Variants in CHODL observed in about 807,000 individuals in gnomAD.
The protein encoded by CHODL is transmembrane protein MT75.
Under a neutral mutation model 34.5 loss-of-function variants are expected in CHODL, and 29 were observed. The observed-to-expected ratio is 0.84, with a 90% CI of 0.63 to 1.15. CHODL has a LOEUF of 1.15. Ranked by LOEUF, CHODL falls within the 50% of genes most tolerant of loss-of-function variation. The pLI is 0.00. For missense variants in CHODL, 332 were observed against 332.5 expected (o/e 1.00, Z 0.01); for synonymous variants, 125 against 116.1 (o/e 1.08, Z -0.49).
chr21:18,099,493 A>T (rs1028199659), intron 2 of CHODL, among the ~76,000 whole-genome samples: 3 of 151,816 alleles, frequency 2.0e-5, no homozygotes, highest in African/African-American at 7.2e-5. Flanking sequence ...AATATGATTT[A>T]AAAAATAAAA....
chr21:18,116,467 A>C (rs1160802738), intron 2 of CHODL, among the ~76,000 whole-genome samples: 1 of 152,192 alleles, frequency 6.6e-6, no homozygotes, highest in African/African-American at 2.4e-5. Flanking sequence ...GTCTGTTTGC[A>C]TTGCTATTAT....
chr21:18,028,017 C>G (rs2064194806), intron 2 of CHODL: 1 of 152,372 alleles, frequency 6.6e-6, no homozygotes, highest in African/African-American at 2.4e-5. Context: ...TCATGACATA[C>G]TGTTATAGGA....
chr21:18,040,810 TA>T (rs148245877), intron 2 of CHODL, among the ~76,000 whole-genome samples: 9 of 151,764 alleles, frequency 5.9e-5, no homozygotes, highest in African/African-American at 2.2e-4. Flanking sequence ...TCGCAGGTGG[TA>T]AAAAAATCAG....
chr21:18,090,845 A>G (rs2065064624), intron 2 of CHODL, among the ~76,000 whole-genome samples: 1 of 152,132 alleles, frequency 6.6e-6, no homozygotes, highest in South Asian at 2.1e-4. Context: ...ACCAAATTTT[A>G]ACAACTATCT....
chr21:18,220,360 C>T (rs2073870863), intron 2 of CHODL, among the ~76,000 whole-genome samples: 1 of 152,072 alleles, frequency 6.6e-6, no homozygotes, highest in African/African-American at 2.4e-5. Context: ...TTACTCTTGT[C>T]ATTTAAAAAT....
Position 18,258,979 on chromosome 21 carries a change from A to G in CHODL, c.548-1221A>G, listed in dbSNP as rs540230091. Reference sequence around the variant, plus strand: ...TTCTCTAGAAGAGTAGGTATAGTCTAGGACTGAATCTGAAACCCAGAGGAG... The same window carrying G: ...TTCTCTAGAAGAGTAGGTATAGTCTGGGACTGAATCTGAAACCCAGAGGAG... On this transcript the variant is annotated intron_variant, in intron 3 of 5. Transcript: ENST00000299295. Among the ~76,000 whole-genome samples, 14 of 152,288 alleles carry G rather than the reference A, an allele frequency of 9.2e-5. No homozygotes were observed. In the South Asian group the frequency reaches 2.5e-3, roughly 27 times the overall value.
chr21:17,990,709 C>T (rs2063790327), intron 1 of CHODL, among the ~76,000 whole-genome samples: 1 of 151,910 alleles, frequency 6.6e-6, no homozygotes, highest in African/African-American at 2.4e-5. Context: ...AATAATTGTA[C>T]ATATTTATAG....
intron 2 of CHODL, among the ~76,000 whole-genome samples, chr21:18,214,690 G>C (rs921173170): frequency 6.6e-6 from 1 of 151,992 alleles, no homozygotes. Flanking sequence ...CGTACGTCTC[G>C]AACATCTAAA....
intron 1 of CHODL, among the ~76,000 whole-genome samples, chr21:17,979,607 A>T (rs138936324): frequency 1.2e-4 from 18 of 152,342 alleles, no homozygotes; most frequent in African/African-American, 4.1e-4. Context: ...TGGCTGAGTA[A>T]AGAGCGTTGG....
chr21:18,263,102 T>C (rs1036680734), intron 5 of CHODL, among the ~76,000 whole-genome samples: 38 of 152,140 alleles, frequency 2.5e-4, no homozygotes, highest in African/African-American at 7.7e-4. Context: ...ACCCTTCTGT[T>C]TGTATTTCTC....
intron 2 of CHODL, among the ~76,000 whole-genome samples, chr21:18,167,800 T>G (rs1166992042): frequency 2.6e-5 from 4 of 152,208 alleles, no homozygotes; most frequent in Non-Finnish European, 4.4e-5. Context: ...GGTGTGATGG[T>G]TGATATTGAG....
intron 2 of CHODL, among the ~76,000 whole-genome samples, chr21:18,031,366 A>G (rs1393356773): frequency 6.6e-6 from 1 of 152,094 alleles, no homozygotes; most frequent in Non-Finnish European, 1.5e-5. Flanking sequence ...TGGAACCTAT[A>G]TTTAACAGTG....
chr21:18,023,554 G>A, intron 1 of CHODL, among the ~76,000 whole-genome samples: 1 of 152,014 alleles, frequency 6.6e-6, no homozygotes, highest in Non-Finnish European at 1.5e-5. Flanking sequence ...TGTGCATCTG[G>A]GTCCACTCTT....
At chr21:18,154,875 T>A (rs1157095352) in intron 2 of CHODL, among the ~76,000 whole-genome samples, 1 of 152,154 alleles carries the variant, frequency 6.6e-6, no homozygotes, top group Non-Finnish European at 1.5e-5. Flanking sequence ...GGAGAAAATT[T>A]CAAGTCTGTA....
At chr21:17,975,362 A>G (rs939594491) in intron 1 of CHODL, among the ~76,000 whole-genome samples, 8 of 151,998 alleles carry the variant, frequency 5.3e-5, no homozygotes, top group Non-Finnish European at 1.0e-4. Flanking sequence ...CTGGGTGACA[A>G]AATAATCTAC....
At chr21:18,122,141 T>TA (rs1471181363) in intron 2 of CHODL, among the ~76,000 whole-genome samples, 1 of 152,196 alleles carries the variant, frequency 6.6e-6, no homozygotes, top group African/African-American at 2.4e-5. Flanking sequence ...AAAACAACTA[T>TA]AGGGTTCTAA....
chr21:18,196,490 G>A (rs1601135222), intron 2 of CHODL, among the ~76,000 whole-genome samples: 1 of 152,022 alleles, frequency 6.6e-6, no homozygotes, highest in South Asian at 2.1e-4. Flanking sequence ...AACAGTAATT[G>A]GTGACTGGCA....
rs368081168 is a variant in CHODL at position 18,073,524 on chromosome 21, T to C, written c.-45+45553T>C. Among the ~76,000 whole-genome samples the C allele has an allele frequency of 2.0e-5, 3 of 152,220 alleles. No individual in the cohort carries two copies. In the East Asian group the frequency reaches 5.8e-4, roughly 29 times the overall value. ...AATTGACTTAAACTTTCAGGAAGAT[T>C]CTATGAGTTTTTCTATTTTAAATTA... On this transcript the variant is annotated intron_variant, in intron 2 of 6. Transcript: ENST00000400127.
chr21:18,126,993 T>A (rs2065553999), intron 2 of CHODL, among the ~76,000 whole-genome samples: 1 of 152,220 alleles, frequency 6.6e-6, no homozygotes, highest in Non-Finnish European at 1.5e-5. Flanking sequence ...ATGCCACTTC[T>A]ACTCCAATAG....
Sources: allele counts gnomAD v4.1 joint callset (sites outside exome capture counted in the v4.1 genomes callset), GRCh38; gene constraint gnomAD v4.1.1; transcripts MANE v1.5; gene names NCBI Gene and HGNC (gene_info 2026-07-23, HGNC 2026-07-21).